Variants in WDR91 observed in about 807,000 individuals in gnomAD.
The protein encoded by WDR91 is WD repeat domain 91.
WDR91 carries 52 observed loss-of-function variants against 88.4 expected under a neutral mutation model. The ratio of observed to expected loss-of-function variants is 0.59; its 90% CI spans 0.47 to 0.74. The LOEUF is 0.74. Among genes scored for constraint, WDR91 ranks in the 30% least tolerant of loss-of-function variants. WDR91 has a pLI of 0.00. For missense variants in WDR91, 824 were observed against 954.5 expected, an observed-to-expected ratio of 0.86 and a Z score of 1.80; for synonymous variants, 362 against 389.5, an observed-to-expected ratio of 0.93 and a Z score of 0.83.
In WDR91 at chr7:135,196,459, G is replaced by T. The variant is rs1175839610; in HGVS notation, c.1051-122C>A. ...CGGGGTTCTCGGTAATTACAGAGTG[G>T]AGAGGAGAGCTCTGACCTGCGAGGG... On this transcript the variant is annotated intron_variant, in intron 7 of 14. Transcript: ENST00000354475. This position sits in a 1 kb window ranked among gnomAD's most constrained non-coding sequence, Gnocchi z 4.2. 6.2e-6 allele frequency: 6 copies of T among 974,022 alleles called. No individual in the cohort carries two copies. The highest frequency in any genetic ancestry group is 3.2e-5 in the Admixed American group (1 of 31,490). The allele number at this position is 974,022 out of a possible 1,614,324, so 60.3% of individuals were successfully genotyped here.
chr7:135,205,263 C>T (rs1028375683), intron 5 of WDR91, among the ~76,000 whole-genome samples: 1 of 152,210 alleles, frequency 6.6e-6, no homozygotes, highest in Non-Finnish European at 1.5e-5. Flanking sequence ...CCAATCTTTC[C>T]ATACATGAGA....
Position 135,196,343 on chromosome 7 carries a change from A to T in WDR91, c.1051-6T>A. 1 of 1,528,072 alleles carries T rather than the reference A, an allele frequency of 6.5e-7. No individual in the cohort carries two copies. The highest frequency in any genetic ancestry group is 8.8e-7 in the Non-Finnish European group (1 of 1,136,148). The allele number at this position is 1,528,072 out of a possible 1,614,324, so 94.7% of individuals were successfully genotyped here. ...TCTGGTTTCTTCTCTGCACACTGTCACAAGCAGGGTGGGGACAAGTCAGCC... is the reference window on the plus strand; with the variant it reads ...TCTGGTTTCTTCTCTGCACACTGTCTCAAGCAGGGTGGGGACAAGTCAGCC... On this transcript the variant is annotated splice_region_variant and splice_polypyrimidine_tract_variant and intron_variant, in intron 7 of 14. Transcript: ENST00000354475. The surrounding 1 kb of genome is among the most constrained non-coding windows in gnomAD (Gnocchi z 4.2).
Position 135,193,655 on chromosome 7 carries a change from A to G in WDR91, c.1413T>C (p.Gly471=). 1 of 1,613,970 alleles carries G rather than the reference A, an allele frequency of 6.2e-7. No individual in the cohort carries two copies. The highest frequency in any genetic ancestry group is 8.5e-7 in the Non-Finnish European group (1 of 1,179,956). Residue 471 remains glycine (G), a synonymous_variant, in exon 10 of 15, where the codon GGT becomes GGC. Transcript: ENST00000354475. ...TGTCATAGAGACGCACTGTTCCCACACCACTGCCCAGCAAGAGCTGGAATG... is the reference window on the plus strand; with the variant it reads ...TGTCATAGAGACGCACTGTTCCCACGCCACTGCCCAGCAAGAGCTGGAATG... ...KRDRLLLLGS[G]VGTVRLYDTE... is the part of the protein sequence containing the mutation.
chr7:135,186,425 C>T, intron 14 of WDR91, 110 bp from the exon 15 acceptor site: 2 of 1,155,518 alleles, frequency 1.7e-6, no homozygotes, highest in Non-Finnish European at 2.4e-6. Context: ...ACACACATGC[C>T]CACCTTTCCA....
In WDR91 at chr7:135,205,928, A is replaced by G. The variant is rs1369666435; in HGVS notation, c.725T>C (p.Leu242Pro). 1 of 1,613,290 alleles carries G rather than the reference A, an allele frequency of 6.2e-7. No individual in the cohort carries two copies. Among genetic ancestry groups the G allele is most frequent in the South Asian group, 1.1e-5 (1 of 91,036 alleles). ...SNMDRLGDSE[L>P]AMVCSQRNAS... is the part of the protein sequence containing the mutation. ...GGAAAGGGCCGTCACACACACTCAC[A>G]GTTCCGAGTCCCCCAGGCGGTCCAT... Residue 242 changes from leucine (L) to proline (P), a missense_variant and splice_region_variant, in exon 5 of 15, where the codon CTT (leucine) becomes CCT (proline). Coordinates refer to ENST00000354475, the MANE Select transcript of WDR91 (RefSeq NM_014149.4).
chr7:135,192,667 T>C (rs1831212529), intron 11 of WDR91, among the ~76,000 whole-genome samples: 2 of 152,230 alleles, frequency 1.3e-5, no homozygotes, highest in South Asian at 4.1e-4. Flanking sequence ...GGAAACAATG[T>C]GTTCAACATA....
At chr7:135,208,729 A>T (rs1831898979) in intron 3 of WDR91, 62 bp downstream of exon 3, 1 of 1,437,100 alleles carries the variant, frequency 7.0e-7, no homozygotes, top group East Asian at 2.4e-5. Flanking sequence ...CCAGCGGGCT[A>T]CTGATCCTGA....
At chr7:135,210,427 A>T (rs292600) in intron 1 of WDR91, among the ~76,000 whole-genome samples, 103,485 of 151,996 alleles carry the variant, frequency 0.68, 36,059 homozygotes, top group Admixed American at 0.79. Context: ...GGGTGGGGTG[A>T]AGAAGAGCTA....
At chr7:135,187,835 TA>T (rs1195637494) in intron 13 of WDR91, among the ~76,000 whole-genome samples, 1 of 152,156 alleles carries the variant, frequency 6.6e-6, no homozygotes, top group Non-Finnish European at 1.5e-5. Flanking sequence ...ATGAAGAATT[TA>T]TTTTGTAGTT....
At position 135,188,547 on chromosome 7, in the gene WDR91, T is replaced by G; in HGVS notation, c.1769-2A>C. 6.2e-7 allele frequency: 1 copy of G among 1,612,200 alleles called. No individual in the cohort carries two copies. Among genetic ancestry groups the G allele is most frequent in the Non-Finnish European group, 8.5e-7 (1 of 1,179,302 alleles). ...TCGCGCACTCATGCTGCTGCATGTCTGAGGCAATGAGACACGGCCACTCAC... is the reference window on the plus strand; with the variant it reads ...TCGCGCACTCATGCTGCTGCATGTCGGAGGCAATGAGACACGGCCACTCAC... On this transcript the variant is annotated splice_acceptor_variant, in intron 12 of 14. Transcript: ENST00000354475. LOFTEE classifies it high-confidence loss of function.
chr7:135,189,034 G>C (rs1831059271), intron 12 of WDR91, among the ~76,000 whole-genome samples: 1 of 152,212 alleles, frequency 6.6e-6, no homozygotes, highest in African/African-American at 2.4e-5. Context: ...ACAGCAAGTA[G>C]GTAGGACAGC....
intron 3 of WDR91, among the ~76,000 whole-genome samples, chr7:135,208,412 C>G (rs1831885785): frequency 6.6e-6 from 1 of 152,188 alleles, no homozygotes; most frequent in African/African-American, 2.4e-5. Flanking sequence ...TGTACCTAAT[C>G]CCAGCAAAGG....
intron 13 of WDR91, among the ~76,000 whole-genome samples, chr7:135,187,760 A>G (rs1398017603): frequency 4.6e-5 from 7 of 152,132 alleles, no homozygotes; most frequent in Non-Finnish European, 2.9e-5. Flanking sequence ...CCACCTCTTC[A>G]CTGAGCATCC....
intron 6 of WDR91, among the ~76,000 whole-genome samples, chr7:135,203,129 G>A (rs1016262440): frequency 1.3e-5 from 2 of 152,144 alleles, no homozygotes; most frequent in African/African-American, 2.4e-5. Context: ...AATGACAAAC[G>A]AGGAGCCAGA....
chr7:135,190,014 T>C (rs369565235), intron 11 of WDR91, among the ~76,000 whole-genome samples: 44 of 152,240 alleles, frequency 2.9e-4, no homozygotes, highest in East Asian at 1.3e-3. Context: ...GATAGAATGT[T>C]ATTTAAAATA....
At chr7:135,193,887 A>G in intron 9 of WDR91, 3 of 562,680 alleles carry the variant, frequency 5.3e-6, no homozygotes, top group Non-Finnish European at 3.2e-6. Flanking sequence ...CAAAACCACA[A>G]AAAGTATCTG....
chr7:135,193,355 C>G lies in WDR91; in HGVS notation c.1535G>C (p.Cys512Ser), dbSNP rs1330003108. Residue 512 changes from cysteine (C) to serine (S), a missense_variant, in exon 11 of 15, where the codon TGT (cysteine) becomes TCT (serine). By Grantham distance (112) the Cys-to-Ser change is moderately radical (BLOSUM62 -1). Transcript: ENST00000354475. ...AGTGAGGCTCGGAGCTGCTGCCGAA[C>G]AGACGAAAGAGGCCCCGTTGGGGCT... ...ACSPNGASFV[C>S]SAAAPSLTSQ... is the part of the protein sequence containing the mutation. 3 of 1,614,242 alleles carry G rather than the reference C, an allele frequency of 1.9e-6. No individual in the cohort carries two copies. Among genetic ancestry groups the G allele is most frequent in the African/African-American group, 1.3e-5 (1 of 75,056 alleles).
At chr7:135,190,661 A>T (rs1171338436) in intron 11 of WDR91, among the ~76,000 whole-genome samples, 1 of 140,712 alleles carries the variant, frequency 7.1e-6, no homozygotes, top group East Asian at 2.5e-4. Flanking sequence ...GACTATAAAC[A>T]CGACAAAGCA....
At chr7:135,208,666 A>G in intron 3 of WDR91, 125 bp downstream of exon 3, 1 of 793,472 alleles carries the variant, frequency 1.3e-6, no homozygotes, top group South Asian at 2.2e-5. Context: ...CCCTCATGTG[A>G]CCCATAAAAA....
Sources: gnomAD v4.1 joint callset for allele counts (sites outside exome capture counted in the v4.1 genomes callset) on GRCh38, gnomAD v4.1.1 for gene constraint, Gnocchi (gnomAD v3.1) non-coding constraint, MANE v1.5 for transcripts, NCBI Gene and HGNC (gene_info 2026-07-23, HGNC 2026-07-21) for gene names.